The following NAV3 variants were observed in gnomAD, a reference collection of about 807,000 sequenced individuals.
NAV3 encodes the protein pore membrane and/or filament interacting like protein 1.
NAV3 carries 87 observed loss-of-function variants against 244.7 expected under a neutral mutation model. That is an observed-to-expected ratio of 0.36 (90% CI 0.30 to 0.42). The LOEUF (loss-of-function observed/expected upper bound fraction) is 0.42, where lower values mean the gene tolerates loss of function less well. Ranked by LOEUF, NAV3 falls within the 20% of genes least tolerant of loss-of-function variation. The probability of loss-of-function intolerance (pLI) is 1.00; values close to 1 mark genes in which losing one functional copy is unlikely to be tolerated. For missense variants in NAV3, 2,663 were observed against 2,893.3 expected, an observed-to-expected ratio of 0.92 and a Z score of 1.83; for synonymous variants, 1,126 against 1,042.2, an observed-to-expected ratio of 1.08 and a Z score of -1.55.
chr12:77,588,523 G>C (rs1293591193), intron 2 of NAV3, among the ~76,000 whole-genome samples: 1 of 152,088 alleles, frequency 6.6e-6, no homozygotes, highest in African/African-American at 2.4e-5. Flanking sequence ...TCATACTGGT[G>C]TTCACACCAC....
chr12:78,194,562 G>T (rs954107895), intron 34 of NAV3, among the ~76,000 whole-genome samples: 1 of 151,818 alleles, frequency 6.6e-6, no homozygotes, highest in East Asian at 1.9e-4. Flanking sequence ...CATTCTCTTG[G>T]CTGGTCTTGC....
At chr12:77,675,445 A>G (rs711135) in intron 2 of NAV3, among the ~76,000 whole-genome samples, 117,332 of 152,064 alleles carry the variant, frequency 0.77, 47,127 homozygotes, top group East Asian at 0.94. Context: ...GCCCACCCGG[A>G]ATAGCAAGGA....
At chr12:78,041,575 C>T (rs1360042839) in intron 9 of NAV3, among the ~76,000 whole-genome samples, 1 of 152,146 alleles carries the variant, frequency 6.6e-6, no homozygotes, top group Non-Finnish European at 1.5e-5. Flanking sequence ...AAATATTTTA[C>T]ATTTTGACCT....
At chr12:77,668,550 A>G (rs1873822534) in intron 2 of NAV3, among the ~76,000 whole-genome samples, 1 of 152,200 alleles carries the variant, frequency 6.6e-6, no homozygotes, top group Non-Finnish European at 1.5e-5. Context: ...GAGCTCAAAG[A>G]CAAGGCTTTT....
chr12:78,004,056 A>C (rs1240658570), intron 7 of NAV3, among the ~76,000 whole-genome samples: 1 of 152,214 alleles, frequency 6.6e-6, no homozygotes, highest in Non-Finnish European at 1.5e-5. Context: ...GAAAGAAGAG[A>C]CAGTGAAAAT....
chr12:77,860,566 T>C (rs936311217), intron 1 of NAV3, among the ~76,000 whole-genome samples: 30 of 151,966 alleles, frequency 2.0e-4, no homozygotes, highest in African/African-American at 5.3e-4. Flanking sequence ...ATCTCTAAAG[T>C]AGTGCTACAC....
At chr12:77,728,668 G>A (rs1322403367) in intron 2 of NAV3, among the ~76,000 whole-genome samples, 2 of 151,932 alleles carry the variant, frequency 1.3e-5, no homozygotes, top group Non-Finnish European at 2.9e-5. Flanking sequence ...CATTTAGGCA[G>A]TAATAGTTTG....
intron 1 of NAV3, among the ~76,000 whole-genome samples, chr12:77,878,063 A>T (rs1014712100): frequency 6.6e-6 from 1 of 152,108 alleles, no homozygotes; most frequent in Non-Finnish European, 1.5e-5. Flanking sequence ...AAGGTCATCA[A>T]AAACAAGGGG....
chr12:77,832,135 C>A (rs1873818482), intron 1 of NAV3, among the ~76,000 whole-genome samples: 1 of 152,154 alleles, frequency 6.6e-6, no homozygotes, highest in South Asian at 2.1e-4. Context: ...ATGTCATTTG[C>A]ATTTCAAAGA....
chr12:78,137,333 A>G lies in NAV3; in HGVS notation c.4598A>G (p.His1533Arg), dbSNP rs781215549. Reference sequence around the variant, plus strand: ...GAGGAAAGACCTCGTGCCATCAGTCATTCGGGCTCATTCAGAGACAGCATG... The same window carrying G: ...GAGGAAAGACCTCGTGCCATCAGTCGTTCGGGCTCATTCAGAGACAGCATG... Reference protein sequence around the residue: ...SLEERPRAISHSGSFRDSMEE... With the variant: ...SLEERPRAISRSGSFRDSMEE... The change falls in exon 19 of 40, where the codon CAT (histidine) becomes CGT (arginine). Residue 1533 changes from histidine (H) to arginine (R), a missense_variant. His to Arg is a conservative substitution (Grantham distance 29). Transcript: ENST00000397909. 1.4e-5 allele frequency: 22 copies of G among 1,612,858 alleles called. No homozygotes were observed. The highest frequency in any genetic ancestry group is 1.7e-5 in the Admixed American group (1 of 59,926).
At chr12:78,099,495 GC>G (rs1267161660) in intron 12 of NAV3, among the ~76,000 whole-genome samples, 2 of 151,668 alleles carry the variant, frequency 1.3e-5, no homozygotes, top group Non-Finnish European at 3.0e-5. Context: ...TTTCTGCACT[GC>G]CCAGTCTTCC....
intron 2 of NAV3, among the ~76,000 whole-genome samples, chr12:77,604,008 A>T (rs1419765423): frequency 3.3e-5 from 5 of 152,130 alleles, no homozygotes; most frequent in Non-Finnish European, 5.9e-5. Flanking sequence ...CTTGGTTGAT[A>T]TTCTATTTTT....
chr12:77,647,539 T>C (rs1457302670), intron 2 of NAV3, among the ~76,000 whole-genome samples: 2 of 152,014 alleles, frequency 1.3e-5, no homozygotes, highest in East Asian at 1.9e-4. Context: ...GGACTTGAGA[T>C]ATTATGTCTA....
At chr12:77,667,747 C>T (rs1278132802) in intron 2 of NAV3, among the ~76,000 whole-genome samples, 1 of 152,076 alleles carries the variant, frequency 6.6e-6, no homozygotes, top group Non-Finnish European at 1.5e-5. Flanking sequence ...AACCTGAATA[C>T]TAAACCAGGC....
intron 1 of NAV3, among the ~76,000 whole-genome samples, chr12:77,833,929 G>T (rs1874161070): frequency 1.3e-5 from 2 of 152,092 alleles, no homozygotes; most frequent in Non-Finnish European, 2.9e-5. Context: ...GTCTGCAGGT[G>T]CCTGTCGGTG....
chr12:77,651,691 A>T (rs1197838707), intron 2 of NAV3, among the ~76,000 whole-genome samples: 1 of 152,210 alleles, frequency 6.6e-6, no homozygotes, highest in Non-Finnish European at 1.5e-5. Flanking sequence ...ATTATTTTTT[A>T]GTCTACGTCA....
chr12:77,713,221 G>C (rs1876205590), intron 2 of NAV3, among the ~76,000 whole-genome samples: 2 of 152,198 alleles, frequency 1.3e-5, no homozygotes, highest in Admixed American at 1.3e-4. Flanking sequence ...TTATTATAGA[G>C]AGAGTTTGAT....
At chr12:78,162,792 G>C (rs890704810) in intron 23 of NAV3, among the ~76,000 whole-genome samples, 1 of 149,304 alleles carries the variant, frequency 6.7e-6, no homozygotes, top group Non-Finnish European at 1.5e-5. Context: ...AACCTGGGAG[G>C]TGGAGGTTGC....
intron 12 of NAV3, among the ~76,000 whole-genome samples, chr12:78,085,468 A>AATG (rs1372849744): frequency 6.6e-6 from 1 of 152,160 alleles, no homozygotes; most frequent in African/African-American, 2.4e-5. Context: ...TGAGATAGAT[A>AATG]ATGTATAATC....
Sources: allele counts gnomAD v4.1 joint callset (sites outside exome capture counted in the v4.1 genomes callset), GRCh38; gene constraint gnomAD v4.1.1; transcripts MANE v1.5; gene names NCBI Gene and HGNC (gene_info 2026-07-23, HGNC 2026-07-21).